SLX9: variants seen among roughly 807,000 people sequenced by gnomAD.
SLX9 encodes the protein SLX9 ribosome biogenesis factor, also known as ribosome biogenesis protein SLX9 homolog.
Under a neutral mutation model 20.8 loss-of-function variants are expected in SLX9, and 19 were observed. That is an observed-to-expected ratio of 0.91 (90% CI 0.64 to 1.34). SLX9 has a LOEUF of 1.34. Among genes scored for constraint, SLX9 ranks in the 40% most tolerant of loss-of-function variants. The pLI is 0.00. For synonymous variants in SLX9, 113 were observed against 137.1 expected (o/e 0.82, Z 1.23); for missense variants, 299 against 322.2 (o/e 0.93, Z 0.55).
At chr21:44,971,120 C>G (rs2085136901) in intron 4 of SLX9, among the ~76,000 whole-genome samples, 1 of 151,762 alleles carries the variant, frequency 6.6e-6, no homozygotes, top group Non-Finnish European at 1.5e-5. Flanking sequence ...CGGGAGGGGA[C>G]CCCCCATGCT....
In SLX9 at chr21:44,973,318, C is replaced by T. The variant is rs889440867; in HGVS notation, c.569+53C>T. Reference sequence around the variant, plus strand: ...GGTTCAGCTCCTGAGTGCCCTCACCCTGCCCACCCTCTCCAGGGGTTCAGC... The same window carrying T: ...GGTTCAGCTCCTGAGTGCCCTCACCTTGCCCACCCTCTCCAGGGGTTCAGC... On this transcript the variant is annotated intron_variant, in intron 5 of 5. Coordinates refer to ENST00000291634, the MANE Select transcript of SLX9 (RefSeq NM_058190.4). The T allele has an allele frequency of 2.5e-6, 4 of 1,589,106 alleles. No individual in the cohort carries two copies. The African/African-American group carries it at 5.4e-5, about 21-fold the overall frequency.
At chr21:44,959,183 T>C (rs1568938159) in intron 2 of SLX9, 3 of 984,788 alleles carry the variant, frequency 3.0e-6, no homozygotes, top group Admixed American at 6.1e-5. Flanking sequence ...GCGACTGCCT[T>C]TCTCCAGGCA....
intron 5 of SLX9, among the ~76,000 whole-genome samples, chr21:44,974,853 C>G (rs991077470): frequency 6.6e-6 from 1 of 152,268 alleles, no homozygotes. Flanking sequence ...CCCTCTCCGC[C>G]TCTCCCCAGT....
intron 3 of SLX9, 33 bp from the exon 4 acceptor site, chr21:44,966,999 CTT>C: frequency 1.3e-6 from 2 of 1,583,694 alleles, no homozygotes; most frequent in Non-Finnish European, 1.7e-6. Context: ...TCCTCTGCCT[CTT>C]GTTTGCCTCT....
intron 2 of SLX9, among the ~76,000 whole-genome samples, chr21:44,946,785 T>C (rs1159606529): frequency 6.6e-6 from 1 of 152,178 alleles, no homozygotes; most frequent in Non-Finnish European, 1.5e-5. Context: ...CGCCCTGCTG[T>C]GGGTTTTCTG....
intron 3 of SLX9, among the ~76,000 whole-genome samples, chr21:44,960,550 A>G (rs1246986560): frequency 6.6e-6 from 1 of 152,208 alleles, no homozygotes; most frequent in Non-Finnish European, 1.5e-5. Flanking sequence ...TTTATTGTGG[A>G]AGTAACCTGT....
At chr21:44,943,941 C>G (rs2084596805) in intron 2 of SLX9, 104 bp downstream of exon 2, 6 of 1,489,206 alleles carry the variant, frequency 4.0e-6, no homozygotes, top group Non-Finnish European at 4.6e-6. Flanking sequence ...CTGTACCTGA[C>G]AATGTCCTTG....
chr21:44,966,276 C>T (rs2085032329), intron 3 of SLX9, among the ~76,000 whole-genome samples: 2 of 152,026 alleles, frequency 1.3e-5, no homozygotes, highest in South Asian at 2.1e-4. Context: ...CTGGGCATTC[C>T]CCCCAGGGGG....
chr21:44,968,191 A>G (rs982136307), intron 4 of SLX9, among the ~76,000 whole-genome samples: 1 of 151,236 alleles, frequency 6.6e-6, no homozygotes, highest in African/African-American at 2.4e-5. Flanking sequence ...ACCCAGTGAC[A>G]CAACCCCGCC....
intron 3 of SLX9, among the ~76,000 whole-genome samples, chr21:44,965,658 G>T (rs1165878554): frequency 6.6e-6 from 1 of 152,142 alleles, no homozygotes; most frequent in Admixed American, 6.5e-5. Context: ...GGCATTTCCC[G>T]GGAGAACCAT....
At chr21:44,959,585 C>T (rs955666280) in intron 2 of SLX9, among the ~76,000 whole-genome samples, 6 of 152,212 alleles carry the variant, frequency 3.9e-5, no homozygotes, top group East Asian at 1.9e-4. Flanking sequence ...CTGAGAGGGC[C>T]GCTTTGTGGG....
chr21:44,956,587 A>G (rs928454969), intron 2 of SLX9, among the ~76,000 whole-genome samples: 1 of 152,210 alleles, frequency 6.6e-6, no homozygotes, highest in Non-Finnish European at 1.5e-5. Flanking sequence ...CCCGAGATGA[A>G]GCAGCACGTG....
At chr21:44,971,195 G>A (rs913032084) in intron 4 of SLX9, among the ~76,000 whole-genome samples, 2 of 152,232 alleles carry the variant, frequency 1.3e-5, no homozygotes, top group African/African-American at 4.8e-5. Flanking sequence ...TGGTGACGCC[G>A]CTGCTCCTGC....
chr21:44,973,036 C>G (rs563348012), intron 4 of SLX9, 161 bp from the exon 5 acceptor site: 1 of 217,684 alleles, frequency 4.6e-6, no homozygotes, highest in Non-Finnish European at 6.5e-6. Flanking sequence ...GGTCTCGCCT[C>G]CATGGCCACA....
In SLX9 at chr21:44,972,960, G is replaced by GGGCGGTCACAGGACGA. The variant is rs1568947664; in HGVS notation, c.501-237_501-236insGGCGGTCACAGGACGA. 26 of 508,980 alleles carry GGGCGGTCACAGGACGA rather than the reference G, an allele frequency of 5.1e-5. 1 individual carries two copies. The highest frequency in any genetic ancestry group is 6.7e-5 in the Non-Finnish European group (19 of 283,536). The allele number at this position is 508,980 out of a possible 1,614,324, so 31.5% of individuals were successfully genotyped here. On this transcript the variant is annotated intron_variant, in intron 4 of 5. Coordinates refer to ENST00000291634, the MANE Select transcript of SLX9 (RefSeq NM_058190.4). The stretch of plus-strand genomic sequence containing the variant: ...GCTTGGGGCCCGCGGTCACAGGACG[G>GGGCGGTCACAGGACGA]TCAGGCAGTTGCACTGCTTGTCCGG...
intron 2 of SLX9, among the ~76,000 whole-genome samples, chr21:44,952,330 C>G (rs938393760): frequency 6.6e-6 from 1 of 152,272 alleles, no homozygotes; most frequent in Non-Finnish European, 1.5e-5. Context: ...CAATCGGCAG[C>G]TTCCCTGGCC....
intron 4 of SLX9, among the ~76,000 whole-genome samples, chr21:44,972,587 C>T (rs1419781162): frequency 1.3e-5 from 2 of 152,222 alleles, no homozygotes; most frequent in African/African-American, 4.8e-5. Context: ...AGGGCAGGAT[C>T]TACGGTGGGT....
chr21:44,967,024 C>G lies in SLX9; in HGVS notation c.353-10C>G, dbSNP rs1180150057. ...CTTGTTTGCCTCTAACGTCGTTTCT[C>G]CTTCCTTAGAAATCGAAGCCATAAA... On this transcript the variant is annotated splice_polypyrimidine_tract_variant and intron_variant, in intron 3 of 5. Coordinates refer to ENST00000291634, the MANE Select transcript of SLX9 (RefSeq NM_058190.4). The G allele has an allele frequency of 1.9e-6, 3 of 1,605,716 alleles. No homozygotes were observed. Among genetic ancestry groups the G allele is most frequent in the Non-Finnish European group, 2.5e-6 (3 of 1,177,048 alleles).
intron 2 of SLX9, among the ~76,000 whole-genome samples, chr21:44,950,031 G>A (rs1187910220): frequency 6.6e-6 from 1 of 152,284 alleles, no homozygotes; most frequent in African/African-American, 2.4e-5. Flanking sequence ...CTTGCACAGC[G>A]GAGACTTGGG....
Sources: gnomAD v4.1 joint callset for allele counts (sites outside exome capture counted in the v4.1 genomes callset) on GRCh38, gnomAD v4.1.1 for gene constraint, MANE v1.5 for transcripts, NCBI Gene and HGNC (gene_info 2026-07-23, HGNC 2026-07-21) for gene names.